DGKB: variants seen among roughly 807,000 people sequenced by gnomAD.
DGKB encodes the protein diacylglycerol kinase beta, also known as 90 kDa diacylglycerol kinase.
Under a neutral mutation model 114.3 loss-of-function variants are expected in DGKB, and 67 were observed. That is an observed-to-expected ratio of 0.59 (90% CI 0.48 to 0.72). DGKB has a LOEUF of 0.72. DGKB is among the 30% of genes least tolerant of loss of function. The probability of loss-of-function intolerance (pLI) is 0.00; values close to 1 mark genes in which losing one functional copy is unlikely to be tolerated. For synonymous variants in DGKB, 398 were observed against 323.1 expected (o/e 1.23, Z -2.49); for missense variants, 907 against 975.2 (o/e 0.93, Z 0.93).
chr7:14,541,065 T>C (rs1156506065), intron 20 of DGKB, among the ~76,000 whole-genome samples: 2 of 152,162 alleles, frequency 1.3e-5, no homozygotes, highest in Non-Finnish European at 2.9e-5. Flanking sequence ...TAGCAGGTAG[T>C]TGACACCTTG....
rs775884282 is a variant in DGKB at position 14,241,953 on chromosome 7, CATAT to C, written c.2123-63806_2123-63803del. 6.2e-4 allele frequency among the ~76,000 whole-genome samples: 48 copies of C among 77,292 alleles called. 1 individual carries two copies. The East Asian group carries it at 0.012, about 20-fold the overall frequency. The allele number at this position is 77,292 out of a possible 152,430, so 50.7% of individuals were successfully genotyped here. ...ACACATATAGATATATACACACACACATATACACACACACACACACACACACACA... is the reference window on the plus strand; with the variant it reads ...ACACATATAGATATATACACACACACACACACACACACACACACACACACA... On this transcript the variant is annotated intron_variant, in intron 23 of 25. Coordinates refer to ENST00000402815, the MANE Select transcript of DGKB (RefSeq NM_001350709.2).
At chr7:14,288,621 C>T (rs1037959449) in intron 23 of DGKB, among the ~76,000 whole-genome samples, 4 of 152,056 alleles carry the variant, frequency 2.6e-5, no homozygotes, top group Non-Finnish European at 5.9e-5. Context: ...TTCCCCTTGG[C>T]CATCCACCTT....
At chr7:14,624,133 G>A (rs1476138069) in intron 14 of DGKB, among the ~76,000 whole-genome samples, 1 of 152,108 alleles carries the variant, frequency 6.6e-6, no homozygotes, top group African/African-American at 2.4e-5. Context: ...AAAACATTCA[G>A]TGGTTACGTC....
At chr7:14,376,469 T>C (rs2128667449) in intron 21 of DGKB, among the ~76,000 whole-genome samples, 1 of 152,262 alleles carries the variant, frequency 6.6e-6, no homozygotes, top group African/African-American at 2.4e-5. Context: ...TTTTACTAGG[T>C]CATGCCCCCA....
At chr7:14,456,016 G>A (rs1017532325) in intron 21 of DGKB, among the ~76,000 whole-genome samples, 35 of 151,998 alleles carry the variant, frequency 2.3e-4, no homozygotes, top group South Asian at 2.1e-4. Context: ...TCCAAAATCC[G>A]AAATGTTACA....
At chr7:14,652,529 C>T (rs1814779513) in intron 13 of DGKB, among the ~76,000 whole-genome samples, 1 of 151,926 alleles carries the variant, frequency 6.6e-6, no homozygotes, top group South Asian at 2.1e-4. Context: ...AAACGTTAGA[C>T]CTAAAACCAT....
intron 2 of DGKB, among the ~76,000 whole-genome samples, chr7:14,840,547 T>C (rs1409646901): frequency 1.3e-5 from 2 of 152,176 alleles, no homozygotes; most frequent in Non-Finnish European, 2.9e-5. Context: ...AAACTTACAG[T>C]GAAGTGAATG....
intron 2 of DGKB, among the ~76,000 whole-genome samples, chr7:14,804,120 A>C (rs1842520177): frequency 6.7e-6 from 1 of 149,708 alleles, no homozygotes; most frequent in South Asian, 2.1e-4. Flanking sequence ...TTTCATTGAG[A>C]GCCTATTTGT....
chr7:14,909,455 G>A (rs1157934766), intron 1 of DGKB, among the ~76,000 whole-genome samples: 3 of 151,926 alleles, frequency 2.0e-5, no homozygotes. Flanking sequence ...TAGCTTCATA[G>A]GTCTATGTAG....
chr7:14,892,848 A>C (rs1002793737), intron 1 of DGKB, among the ~76,000 whole-genome samples: 2 of 125,274 alleles, frequency 1.6e-5, no homozygotes, highest in African/African-American at 5.9e-5. Flanking sequence ...AAAGTCAACT[A>C]ATACCATATA....
rs556456675 is a variant in DGKB, at chr7:14,493,170, G to C, written c.1771-14945C>G. On this transcript the variant is annotated intron_variant, in intron 20 of 25. Transcript: ENST00000402815. ...AAAATGGAGTTTTATGTTCTACTCT[G>C]CTATTTGAAGACTAAAAGGAAGAGA... 3.7e-4 allele frequency among the ~76,000 whole-genome samples: 57 copies of C among 152,106 alleles called. 1 individual carries two copies. The South Asian group carries it at 0.011, about 30-fold the overall frequency.
At position 14,369,766 on chromosome 7, in the gene DGKB, TG is replaced by T. The variant is rs1319763097; in HGVS notation, c.1836-24376del. ...TCCTTCATCCACTTTTTGATGTGGT[TG>T]TTTGTTTTTTTCTAGTAAATTCGTT... is the stretch of plus-strand genomic sequence containing the variant. On this transcript the variant is annotated intron_variant, in intron 21 of 25. Transcript: ENST00000402815. 2.0e-5 allele frequency among the ~76,000 whole-genome samples: 3 copies of T among 152,206 alleles called. No homozygotes were observed. In the East Asian group the frequency reaches 5.8e-4, roughly 29 times the overall value.
At chr7:14,859,147 T>C (rs573130552) in intron 1 of DGKB, among the ~76,000 whole-genome samples, 3 of 152,086 alleles carry the variant, frequency 2.0e-5, no homozygotes, top group African/African-American at 7.2e-5. Flanking sequence ...GCAGCAGAAA[T>C]GTCATGATCA....
At chr7:14,697,914 GAAGA>G (rs1205196551) in intron 8 of DGKB, among the ~76,000 whole-genome samples, 177 bp downstream of exon 8, 1 of 146,184 alleles carries the variant, frequency 6.8e-6, no homozygotes, top group Non-Finnish European at 1.5e-5. Context: ...GAGAAGGAAG[GAAGA>G]GAGAGAAAGA....
At chr7:14,160,132 A>G (rs1783650598) in intron 25 of DGKB, among the ~76,000 whole-genome samples, 1 of 152,220 alleles carries the variant, frequency 6.6e-6, no homozygotes, top group Non-Finnish European at 1.5e-5. Flanking sequence ...TTTCAAAATA[A>G]TAATAGCTAT....
intron 23 of DGKB, among the ~76,000 whole-genome samples, chr7:14,333,322 A>G (rs1385769672): frequency 6.6e-6 from 1 of 151,890 alleles, no homozygotes; most frequent in Non-Finnish European, 1.5e-5. Context: ...TTAGCCGGAC[A>G]TGGTGGCGGG....
At chr7:14,972,848 C>A (rs568280782) in intron 1 of DGKB, among the ~76,000 whole-genome samples, 9 of 152,144 alleles carry the variant, frequency 5.9e-5, no homozygotes, top group Admixed American at 3.3e-4. Flanking sequence ...AGATACTTAT[C>A]TTTCCACTCT....
intron 23 of DGKB, among the ~76,000 whole-genome samples, chr7:14,218,842 A>C (rs1455585161): frequency 2.6e-5 from 4 of 151,866 alleles, no homozygotes; most frequent in Non-Finnish European, 5.9e-5. Context: ...TCATCACAGT[A>C]AATTTTAGAA....
chr7:14,592,136 T>C (rs1801809906), intron 17 of DGKB, among the ~76,000 whole-genome samples: 1 of 151,766 alleles, frequency 6.6e-6, no homozygotes, highest in African/African-American at 2.4e-5. Context: ...CATAAAATAA[T>C]ATTTTTGATA....
Sources: gnomAD v4.1 joint callset for allele counts (sites outside exome capture counted in the v4.1 genomes callset) on GRCh38, gnomAD v4.1.1 for gene constraint, MANE v1.5 for transcripts, NCBI Gene and HGNC (gene_info 2026-07-23, HGNC 2026-07-21) for gene names.